The following HIBADH variants were observed in gnomAD, a reference collection of about 807,000 sequenced individuals.
The protein encoded by HIBADH is 3-hydroxyisobutyrate dehydrogenase, mitochondrial.
A neutral mutation model predicts 36.1 loss-of-function variants in HIBADH; 25 were observed. That is an observed-to-expected ratio of 0.69 (90% CI 0.50 to 0.97). The LOEUF is 0.97. Among genes scored for constraint, HIBADH ranks in the 50% least tolerant of loss-of-function variants. The pLI is 0.00. For synonymous variants in HIBADH, 160 were observed against 149.5 expected, an observed-to-expected ratio of 1.07 and a Z score of -0.51; for missense variants, 421 against 418.0, an observed-to-expected ratio of 1.01 and a Z score of -0.06.
At chr7:27,640,435 C>T (rs370073909) in intron 2 of HIBADH, among the ~76,000 whole-genome samples, 2 of 152,182 alleles carry the variant, frequency 1.3e-5, no homozygotes, top group East Asian at 1.9e-4. Context: ...GAGGCAGGGG[C>T]GGGAGGATCA....
intron 4 of HIBADH, among the ~76,000 whole-genome samples, chr7:27,601,130 G>T (rs905979911): frequency 6.6e-6 from 1 of 152,222 alleles, no homozygotes; most frequent in African/African-American, 2.4e-5. Context: ...ATCATGATGA[G>T]TATGGGCCGG....
chr7:27,535,416 C>A (rs895686154), intron 6 of HIBADH, among the ~76,000 whole-genome samples: 1 of 152,130 alleles, frequency 6.6e-6, no homozygotes, highest in Non-Finnish European at 1.5e-5. Flanking sequence ...GAACAGCTTT[C>A]CAGAAGTTCA....
At chr7:27,547,408 C>G (rs1784249384) in intron 4 of HIBADH, among the ~76,000 whole-genome samples, 1 of 152,164 alleles carries the variant, frequency 6.6e-6, no homozygotes, top group Admixed American at 6.6e-5. Context: ...TAGCATTTAT[C>G]ACCTCTTTAA....
intron 1 of HIBADH, among the ~76,000 whole-genome samples, chr7:27,659,871 G>C (rs542179507): frequency 6.6e-6 from 1 of 152,114 alleles, no homozygotes; most frequent in South Asian, 2.1e-4. Context: ...CAGCGTAGTA[G>C]GCAACTAGCC....
At chr7:27,644,067 CAT>C (rs769280916) in intron 2 of HIBADH, among the ~76,000 whole-genome samples, 9 of 152,192 alleles carry the variant, frequency 5.9e-5, no homozygotes, top group Non-Finnish European at 1.0e-4. Context: ...GCTTCACTGA[CAT>C]ATAATTCGCA....
intron 4 of HIBADH, among the ~76,000 whole-genome samples, chr7:27,558,270 T>C (rs947635097): frequency 3.9e-5 from 6 of 152,210 alleles, no homozygotes; most frequent in Admixed American, 1.3e-4. Context: ...TTTCTCTTCT[T>C]ATTTAAATAG....
chr7:27,648,478 G>A (rs1786117565), intron 2 of HIBADH, among the ~76,000 whole-genome samples: 1 of 152,178 alleles, frequency 6.6e-6, no homozygotes, highest in Admixed American at 6.5e-5. Flanking sequence ...TCTGTAACTA[G>A]GTATAGCATT....
intron 4 of HIBADH, among the ~76,000 whole-genome samples, chr7:27,608,955 G>C (rs1785279335): frequency 6.6e-6 from 1 of 152,162 alleles, no homozygotes; most frequent in Non-Finnish European, 1.5e-5. Flanking sequence ...CCACAGAATA[G>C]AGCCTGGCAA....
intron 4 of HIBADH, among the ~76,000 whole-genome samples, chr7:27,580,593 G>T (rs1041146723): frequency 6.6e-6 from 1 of 152,170 alleles, no homozygotes; most frequent in African/African-American, 2.4e-5. Flanking sequence ...TTCAGAGCTT[G>T]TACTGCAATT....
At chr7:27,586,439 G>A (rs770919751) in intron 4 of HIBADH, among the ~76,000 whole-genome samples, 1 of 152,048 alleles carries the variant, frequency 6.6e-6, no homozygotes, top group Non-Finnish European at 1.5e-5. Context: ...ATGGTTTCAT[G>A]AATAAAATAT....
intron 4 of HIBADH, among the ~76,000 whole-genome samples, chr7:27,555,476 A>G (rs958373720): frequency 5.3e-5 from 8 of 152,028 alleles, no homozygotes; most frequent in Non-Finnish European, 8.8e-5. Flanking sequence ...TTCCAAGTCT[A>G]GAGTCAAAAT....
chr7:27,547,421 G>A (rs1784249599), intron 4 of HIBADH, among the ~76,000 whole-genome samples: 1 of 152,060 alleles, frequency 6.6e-6, no homozygotes, highest in African/African-American at 2.4e-5. Flanking sequence ...CTCTTTAACA[G>A]TTTCATTTGT....
chr7:27,545,562 T>C (rs1440583377), intron 4 of HIBADH, among the ~76,000 whole-genome samples: 2 of 152,184 alleles, frequency 1.3e-5, no homozygotes, highest in South Asian at 4.1e-4. Context: ...TCAGGAGACA[T>C]TGTATAGATG....
intron 4 of HIBADH, among the ~76,000 whole-genome samples, chr7:27,619,003 T>C (rs73684007): frequency 0.013 from 1,931 of 152,184 alleles, 33 homozygotes; most frequent in African/African-American, 0.039. Context: ...GGATTACATA[T>C]CAACATGAGA....
At chr7:27,627,814 T>C (rs1785676133) in intron 4 of HIBADH, among the ~76,000 whole-genome samples, 2 of 152,200 alleles carry the variant, frequency 1.3e-5, no homozygotes, top group South Asian at 4.1e-4. Context: ...TATTCAGTTA[T>C]GTTAGCATTT....
At chr7:27,644,740 G>A (rs1407997810) in intron 2 of HIBADH, among the ~76,000 whole-genome samples, 1 of 151,750 alleles carries the variant, frequency 6.6e-6, no homozygotes, top group Non-Finnish European at 1.5e-5. Flanking sequence ...ACTCCAGCCT[G>A]GTGACAGAGT....
intron 1 of HIBADH, among the ~76,000 whole-genome samples, chr7:27,662,305 G>T (rs1343268546): frequency 1.3e-5 from 2 of 152,128 alleles, no homozygotes; most frequent in Non-Finnish European, 2.9e-5. Context: ...TGGGGGCGCT[G>T]AAAGACCAGG....
At chr7:27,535,893 A>G (rs1223412516) in intron 6 of HIBADH, among the ~76,000 whole-genome samples, 4 of 152,160 alleles carry the variant, frequency 2.6e-5, no homozygotes, top group Admixed American at 6.6e-5. Context: ...AGTGTTCCAG[A>G]AAAACCACTG....
intron 4 of HIBADH, among the ~76,000 whole-genome samples, chr7:27,590,870 T>C (rs1316364411): frequency 6.6e-6 from 1 of 152,246 alleles, no homozygotes; most frequent in Non-Finnish European, 1.5e-5. Context: ...AGTGAAATTA[T>C]ATTTCCAGCC....
Sources: gnomAD v4.1 joint callset for allele counts (sites outside exome capture counted in the v4.1 genomes callset) on GRCh38, gnomAD v4.1.1 for gene constraint, MANE v1.5 for transcripts, NCBI Gene and HGNC (gene_info 2026-07-23, HGNC 2026-07-21) for gene names.